Variants in FHIT observed in about 807,000 individuals in gnomAD.
FHIT encodes the protein fragile histidine triad diadenosine triphosphatase.
In FHIT, 19 loss-of-function variants were observed where a neutral mutation model predicts 17.9. The ratio of observed to expected loss-of-function variants is 1.06; its 90% CI spans 0.74 to 1.56. FHIT has a LOEUF of 1.56. Among genes scored for constraint, FHIT ranks in the 40% most tolerant of loss-of-function variants. FHIT has a pLI of 0.00. For missense variants in FHIT, 248 were observed against 189.2 expected (o/e 1.31, Z -1.82); for synonymous variants, 81 against 69.7 (o/e 1.16, Z -0.81).
chr3:60,005,848 CAAGAT>C (rs1394758491), intron 7 of FHIT, among the ~76,000 whole-genome samples: 1 of 152,160 alleles, frequency 6.6e-6, no homozygotes, highest in Non-Finnish European at 1.5e-5. Flanking sequence ...TTTTCATCCT[CAAGAT>C]AAGGCTTTCT....
At chr3:59,850,633 G>A (rs1193488558) in intron 8 of FHIT, among the ~76,000 whole-genome samples, 1 of 152,118 alleles carries the variant, frequency 6.6e-6, no homozygotes, top group African/African-American at 2.4e-5. Flanking sequence ...AGAATACATG[G>A]CCACCCCAAG....
chr3:60,125,116 T>A (rs889967986), intron 5 of FHIT, among the ~76,000 whole-genome samples: 1 of 152,204 alleles, frequency 6.6e-6, no homozygotes, highest in Non-Finnish European at 1.5e-5. Flanking sequence ...CAATCCACTC[T>A]GTGGAGAAAT....
chr3:60,908,939 C>G (rs1463116976), intron 3 of FHIT, among the ~76,000 whole-genome samples: 14 of 152,120 alleles, frequency 9.2e-5, no homozygotes, highest in African/African-American at 3.4e-4. Context: ...CCTCAAAGAG[C>G]CCAGCTGTTC....
chr3:60,602,492 C>T (rs1194720369), intron 4 of FHIT, among the ~76,000 whole-genome samples: 8 of 148,792 alleles, frequency 5.4e-5, no homozygotes, highest in African/African-American at 2.0e-4. Context: ...AGAATATAAC[C>T]TTCATGAAAC....
chr3:60,272,147 T>C (rs1269241380), intron 5 of FHIT, among the ~76,000 whole-genome samples: 1 of 152,214 alleles, frequency 6.6e-6, no homozygotes, highest in Non-Finnish European at 1.5e-5. Flanking sequence ...ACATCCTTCA[T>C]GCTCTGCGGG....
intron 4 of FHIT, among the ~76,000 whole-genome samples, chr3:60,601,082 A>T (rs1451673851): frequency 6.6e-6 from 1 of 152,148 alleles, no homozygotes; most frequent in Non-Finnish European, 1.5e-5. Context: ...CTTCCACAGC[A>T]ATGTGCCAAG....
intron 4 of FHIT, among the ~76,000 whole-genome samples, chr3:60,579,254 A>C (rs2107676971): frequency 6.6e-6 from 1 of 152,270 alleles, no homozygotes; most frequent in South Asian, 2.1e-4. Flanking sequence ...ATATGCTGTA[A>C]CCTATTGCTT....
intron 3 of FHIT, among the ~76,000 whole-genome samples, chr3:60,864,422 C>G (rs1704070028): frequency 6.6e-6 from 1 of 152,108 alleles, no homozygotes; most frequent in Non-Finnish European, 1.5e-5. Context: ...TTAAACACTT[C>G]ATTGTGCTGT....
At chr3:60,410,728 C>T (rs550763157) in intron 5 of FHIT, among the ~76,000 whole-genome samples, 1 of 151,928 alleles carries the variant, frequency 6.6e-6, no homozygotes, top group Admixed American at 6.6e-5. Context: ...AAATAATTTC[C>T]CTGGAAAACT....
At chr3:60,771,304 C>T (rs960622780) in intron 4 of FHIT, among the ~76,000 whole-genome samples, 8 of 152,188 alleles carry the variant, frequency 5.3e-5, no homozygotes, top group Admixed American at 5.2e-4. Flanking sequence ...TCTCTCTATC[C>T]CACTGTTCAA....
At chr3:61,130,928 G>A (rs2036745002) in intron 2 of FHIT, among the ~76,000 whole-genome samples, 1 of 151,980 alleles carries the variant, frequency 6.6e-6, no homozygotes, top group African/African-American at 2.4e-5. Flanking sequence ...AATGATCCTA[G>A]GCCTGTATGA....
intron 2 of FHIT, among the ~76,000 whole-genome samples, chr3:61,103,578 T>C (rs1050319781): frequency 2.6e-5 from 4 of 152,210 alleles, no homozygotes; most frequent in Admixed American, 1.3e-4. Context: ...GTCTGCTTGT[T>C]GCAGAGCTGA....
At chr3:60,359,840 C>T (rs1407431607) in intron 5 of FHIT, among the ~76,000 whole-genome samples, 4 of 152,124 alleles carry the variant, frequency 2.6e-5, no homozygotes, top group African/African-American at 9.7e-5. Context: ...TTTTATATAT[C>T]AGGCTGGCTT....
Position 60,384,148 on chromosome 3 carries a change from A to G in FHIT, c.103+152712T>C, listed in dbSNP as rs570484213. Among the ~76,000 whole-genome samples, 154 of 152,016 alleles carry G rather than the reference A, an allele frequency of 1.0e-3. 2 individuals carry two copies. The highest frequency in any genetic ancestry group is 3.2e-3 in the African/African-American group (132 of 41,492). On this transcript the variant is annotated intron_variant, in intron 5 of 9. Coordinates refer to ENST00000492590, the MANE Select transcript of FHIT (RefSeq NM_002012.4). ...ACGAGTGTGGTGCTGCGTGCCTATA[A>G]TCCCAGCTACTTGGGAGGCTGAGGC...
In FHIT at chr3:60,511,973, C is replaced by CAA. The variant is rs541361496; in HGVS notation, c.103+24885_103+24886dup. Among the ~76,000 whole-genome samples, 89 of 151,932 alleles carry CAA rather than the reference C, an allele frequency of 5.9e-4. 1 individual carries two copies. The South Asian group carries it at 0.011, about 19-fold the overall frequency. On this transcript the variant is annotated intron_variant, in intron 5 of 9. Transcript: ENST00000492590. ...TAGATGAGAGAGAAACAGCAACAGA[C>CAA]AAAAAGGGGCTAAAAAAATTGAGGA...
intron 4 of FHIT, among the ~76,000 whole-genome samples, chr3:60,545,166 T>C (rs972432338): frequency 2.0e-5 from 3 of 152,132 alleles, no homozygotes; most frequent in African/African-American, 4.8e-5. Flanking sequence ...TAAAAACTTA[T>C]ATTCTTTTTA....
At chr3:61,034,667 T>A (rs2033158750) in intron 3 of FHIT, among the ~76,000 whole-genome samples, 1 of 152,164 alleles carries the variant, frequency 6.6e-6, no homozygotes, top group Admixed American at 6.5e-5. Flanking sequence ...ACTGGAACTC[T>A]CCAACAATGC....
At chr3:60,365,831 T>A (rs186575458) in intron 5 of FHIT, among the ~76,000 whole-genome samples, 1 of 152,318 alleles carries the variant, frequency 6.6e-6, no homozygotes, top group Non-Finnish European at 1.5e-5. Context: ...ATTGATTTCA[T>A]TATGGAACAT....
chr3:61,246,396 TA>T (rs1477346530), intron 1 of FHIT, among the ~76,000 whole-genome samples: 3 of 152,206 alleles, frequency 2.0e-5, no homozygotes, highest in Non-Finnish European at 4.4e-5. Context: ...ACTTAAAGTC[TA>T]CACTCTAAGT....
Sources: gnomAD v4.1 joint callset for allele counts (sites outside exome capture counted in the v4.1 genomes callset) on GRCh38, gnomAD v4.1.1 for gene constraint, MANE v1.5 for transcripts, NCBI Gene and HGNC (gene_info 2026-07-23, HGNC 2026-07-21) for gene names.